The following FGF12 variants were observed in gnomAD, a reference collection of about 807,000 sequenced individuals.
FGF12 encodes fibroblast growth factor 12B.
A neutral mutation model predicts 23.6 loss-of-function variants in FGF12; 14 were observed. The observed-to-expected ratio is 0.59, with a 90% confidence interval of 0.39 to 0.93. The LOEUF (loss-of-function observed/expected upper bound fraction) is 0.93. Ranked by LOEUF, FGF12 falls within the 40% of genes least tolerant of loss-of-function variation. FGF12 has a pLI of 0.00. For synonymous variants in FGF12, 62 were observed against 77.3 expected (o/e 0.80, Z 1.04); for missense variants, 175 against 217.8 (o/e 0.80, Z 1.24).
chr3:192,259,855 A>T (rs1035916416), intron 4 of FGF12, among the ~76,000 whole-genome samples: 9 of 152,134 alleles, frequency 5.9e-5, no homozygotes, highest in Non-Finnish European at 1.0e-4. Context: ...GTGAGGTTTC[A>T]CGACCAATGA....
At chr3:192,639,765 C>T (rs1021523548) in intron 2 of FGF12, among the ~76,000 whole-genome samples, 7 of 152,174 alleles carry the variant, frequency 4.6e-5, no homozygotes, top group South Asian at 2.1e-4. Flanking sequence ...TTAGATATTA[C>T]AAGTAATGTA....
chr3:192,166,941 T>C (rs1715193267), intron 5 of FGF12, among the ~76,000 whole-genome samples: 1 of 152,016 alleles, frequency 6.6e-6, no homozygotes, highest in African/African-American at 2.4e-5. Context: ...TGATTTAGAA[T>C]GCATTTTTTT....
intron 2 of FGF12, among the ~76,000 whole-genome samples, chr3:192,453,413 G>T (rs943814964): frequency 2.9e-4 from 44 of 151,682 alleles, no homozygotes. Context: ...TGAAGTTCTT[G>T]GTTCTTGAAG....
chr3:192,483,935 G>A (rs188543403), intron 2 of FGF12, among the ~76,000 whole-genome samples: 84 of 152,252 alleles, frequency 5.5e-4, no homozygotes, highest in Non-Finnish European at 1.0e-3. Context: ...TTATGCTCTT[G>A]AGAAGTCACT....
chr3:192,425,267 C>T (rs9833505), intron 2 of FGF12, among the ~76,000 whole-genome samples: 91,013 of 151,988 alleles, frequency 0.6, 27,603 homozygotes, highest in African/African-American at 0.7. Context: ...ATGAAGCAAA[C>T]ACAAATGAAA....
chr3:192,622,363 G>T (rs1009421855), intron 2 of FGF12, among the ~76,000 whole-genome samples: 1 of 152,144 alleles, frequency 6.6e-6, no homozygotes, highest in Non-Finnish European at 1.5e-5. Context: ...GCCCTGAGCA[G>T]AAACCACTAA....
intron 2 of FGF12, among the ~76,000 whole-genome samples, chr3:192,369,854 G>A (rs1719145779): frequency 6.6e-6 from 1 of 152,154 alleles, no homozygotes; most frequent in Non-Finnish European, 1.5e-5. Flanking sequence ...TGTCATAAAT[G>A]AACAAATAAA....
At chr3:192,454,667 A>G (rs1015942552) in intron 2 of FGF12, among the ~76,000 whole-genome samples, 3 of 152,244 alleles carry the variant, frequency 2.0e-5, no homozygotes, top group African/African-American at 7.2e-5. Context: ...ACATAGTTCC[A>G]GCCCTTTTCA....
intron 2 of FGF12, among the ~76,000 whole-genome samples, chr3:192,600,172 G>A (rs557512632): frequency 5.3e-5 from 8 of 152,058 alleles, no homozygotes; most frequent in South Asian, 2.1e-4. Flanking sequence ...TGTTCCTGGC[G>A]CCTTTGTCAA....
At chr3:192,253,630 T>C (rs1712182160) in intron 4 of FGF12, among the ~76,000 whole-genome samples, 1 of 152,126 alleles carries the variant, frequency 6.6e-6, no homozygotes, top group Non-Finnish European at 1.5e-5. Context: ...GGCTAAAGTT[T>C]GTGGTTTGGA....
At chr3:192,649,132 G>A (rs1286067091) in intron 2 of FGF12, among the ~76,000 whole-genome samples, 1 of 152,084 alleles carries the variant, frequency 6.6e-6, no homozygotes, top group Non-Finnish European at 1.5e-5. Context: ...AAATCAATAC[G>A]CCTATAAGTA....
chr3:192,384,481 ACATCTT>A (rs1268645354), intron 2 of FGF12, among the ~76,000 whole-genome samples: 1 of 152,186 alleles, frequency 6.6e-6, no homozygotes, highest in Non-Finnish European at 1.5e-5. Context: ...GGAAGAAATA[ACATCTT>A]CATTCTAACA....
intron 2 of FGF12, among the ~76,000 whole-genome samples, chr3:192,651,829 G>C (rs1318485832): frequency 6.6e-6 from 1 of 152,218 alleles, no homozygotes; most frequent in Non-Finnish European, 1.5e-5. Context: ...GGATGGGACA[G>C]AGAGGTTCAG....
intron 3 of FGF12, among the ~76,000 whole-genome samples, chr3:192,358,436 T>A (rs1211674204): frequency 3.3e-5 from 5 of 150,378 alleles, no homozygotes; most frequent in Admixed American, 2.7e-4. Context: ...TTCAGAGAAT[T>A]TTTAAAAGTA....
At chr3:192,330,976 C>T (rs1347683914) in intron 4 of FGF12, among the ~76,000 whole-genome samples, 1 of 151,850 alleles carries the variant, frequency 6.6e-6, no homozygotes, top group African/African-American at 2.4e-5. Context: ...GCTTTAATAG[C>T]CAGAATCTAT....
intron 4 of FGF12, among the ~76,000 whole-genome samples, chr3:192,207,648 T>C (rs1356552114): frequency 2.0e-5 from 3 of 152,182 alleles, no homozygotes; most frequent in Non-Finnish European, 4.4e-5. Flanking sequence ...TGAAGGGTCA[T>C]CGATACTTTG....
intron 2 of FGF12, among the ~76,000 whole-genome samples, chr3:192,622,180 G>A (rs1456537276): frequency 6.6e-6 from 1 of 152,114 alleles, no homozygotes; most frequent in African/African-American, 2.4e-5. Flanking sequence ...CAGCCCAAGG[G>A]TATCAAGCAA....
chr3:192,187,220 T>C (rs959927646), intron 4 of FGF12, among the ~76,000 whole-genome samples: 2 of 152,168 alleles, frequency 1.3e-5, no homozygotes, highest in Non-Finnish European at 2.9e-5. Context: ...AGCAGAACAA[T>C]ATGTGAAGGA....
At chr3:192,722,177 T>C (rs1001135056) in intron 2 of FGF12, among the ~76,000 whole-genome samples, 3 of 152,186 alleles carry the variant, frequency 2.0e-5, no homozygotes, top group Admixed American at 1.3e-4. Flanking sequence ...GGAAAAGATT[T>C]GTCCAAATTT....
Sources: gnomAD v4.1 joint callset for allele counts (sites outside exome capture counted in the v4.1 genomes callset) on GRCh38, gnomAD v4.1.1 for gene constraint, MANE v1.5 for transcripts, NCBI Gene and HGNC (gene_info 2026-07-23, HGNC 2026-07-21) for gene names.